Variants in DOCK3 observed in about 807,000 individuals in gnomAD.
DOCK3 encodes dedicator of cytokinesis 3, also known as dedicator of cytokinesis protein 3.
In DOCK3, 60 loss-of-function variants were observed where a neutral mutation model predicts 265.6. The observed-to-expected ratio is 0.23, with a 90% CI of 0.18 to 0.28. DOCK3 has a LOEUF of 0.28. DOCK3 is among the 10% of genes least tolerant of loss of function. DOCK3 has a pLI of 1.00. For missense variants in DOCK3, 1,981 were observed against 2,594.3 expected (o/e 0.76, Z 5.14); for synonymous variants, 881 against 938.0 (o/e 0.94, Z 1.11).
intron 27 of DOCK3, among the ~76,000 whole-genome samples, chr3:51,288,885 GGTGTGT>G (rs776856235): frequency 3.4e-5 from 5 of 147,074 alleles, no homozygotes; most frequent in African/African-American, 7.7e-5. Flanking sequence ...TGTTTGTGTG[GGTGTGT>G]GTGTGTGTGT....
intron 44 of DOCK3, 75 bp from the exon 45 acceptor site, chr3:51,357,683 G>A: frequency 6.8e-7 from 1 of 1,472,046 alleles, no homozygotes; most frequent in Non-Finnish European, 9.5e-7. Flanking sequence ...GGCATTAGTG[G>A]ACTCAAGTCT....
At position 51,288,927 on chromosome 3, in the gene DOCK3, C is replaced by A. The variant is rs986716970; in HGVS notation, c.2922+8723C>A. Among the ~76,000 whole-genome samples, 8 of 146,580 alleles carry A rather than the reference C, an allele frequency of 5.5e-5. 1 individual carries two copies. Among genetic ancestry groups the A allele is most frequent in the African/African-American group, 2.1e-4 (8 of 38,656 alleles). On this transcript the variant is annotated intron_variant, in intron 27 of 52. Coordinates refer to ENST00000266037, the MANE Select transcript of DOCK3 (RefSeq NM_004947.5). ...GGGTGTGTGTGTGTGTGTGTGTGTG[C>A]CCATGTGTGTGTATTTAAAGTAAAT...
intron 5 of DOCK3, among the ~76,000 whole-genome samples, chr3:51,016,067 CATAATATATATCATATATTTCTACAT>C (rs1559942026): frequency 8.8e-4 from 10 of 11,378 alleles, no homozygotes; most frequent in Admixed American, 2.6e-3. Flanking sequence ...TATATTTCTA[CATAATATATATCATATATTTCTACAT>C]ATGATATATA....
intron 38 of DOCK3, among the ~76,000 whole-genome samples, chr3:51,346,518 T>A (rs2110146309): frequency 6.6e-6 from 1 of 152,318 alleles, no homozygotes; most frequent in Middle Eastern, 3.4e-3. Flanking sequence ...ATGTGCCACA[T>A]TTTCTTAATC....
intron 1 of DOCK3, among the ~76,000 whole-genome samples, chr3:50,716,761 T>G (rs2037139061): frequency 6.6e-6 from 1 of 151,990 alleles, no homozygotes; most frequent in Admixed American, 6.6e-5. Flanking sequence ...TGTTTTAGTT[T>G]CTAATTCTGA....
At chr3:51,016,768 TGTTTA>T (rs2079320272) in intron 5 of DOCK3, among the ~76,000 whole-genome samples, 2 of 3,000 alleles carry the variant, frequency 6.7e-4, no homozygotes, top group African/African-American at 1.4e-3. Context: ...ATATGATATA[TGTTTA>T]TATATATCAT....
chr3:51,201,143 CATA>C (rs2088732286), intron 12 of DOCK3, among the ~76,000 whole-genome samples: 1 of 150,674 alleles, frequency 6.6e-6, no homozygotes, highest in South Asian at 2.1e-4. Context: ...CAGCTAACAT[CATA>C]ATGACAGGAT....
chr3:51,380,141 C>A lies in DOCK3; in HGVS notation c.5517C>A (p.His1839Gln). 6.2e-7 allele frequency: 1 copy of A among 1,613,724 alleles called. No individual in the cohort carries two copies. Among genetic ancestry groups the A allele is most frequent in the Non-Finnish European group, 8.5e-7 (1 of 1,179,754 alleles). ...CCTTTGCAGGTCATTACTCCCTACA[C>A]TTTGACGCCTTCCACCACCCTCTGG... Reference protein sequence around the residue: ...SVAEKGHYSLHFDAFHHPLGD... With the variant: ...SVAEKGHYSLQFDAFHHPLGD... Residue 1839 changes from histidine (H) to glutamine (Q), a missense_variant, in exon 52 of 53, where the codon CAC (histidine) becomes CAA (glutamine). Physicochemically the swap from His to Gln is conservative, Grantham distance 24 (BLOSUM62 0). This residue lies in a region of DOCK3 where 1,357 missense variants were observed against 1,866.8 expected (regional missense o/e 0.73). Coordinates refer to ENST00000266037, the MANE Select transcript of DOCK3 (RefSeq NM_004947.5).
At chr3:50,850,834 T>C (rs2046326291) in intron 3 of DOCK3, among the ~76,000 whole-genome samples, 1 of 152,236 alleles carries the variant, frequency 6.6e-6, no homozygotes, top group Admixed American at 6.5e-5. Flanking sequence ...AGCCAATAGA[T>C]GGCACTTATA....
At chr3:51,280,982 A>G (rs189466989) in intron 27 of DOCK3, among the ~76,000 whole-genome samples, 7 of 152,118 alleles carry the variant, frequency 4.6e-5, no homozygotes, top group Admixed American at 4.6e-4. Flanking sequence ...TCCTCTTTCT[A>G]TGGAAAATGA....
Position 51,195,396 on chromosome 3 carries a change from T to C in DOCK3, c.1038-13378T>C, listed in dbSNP as rs143829995. Reference sequence around the variant, plus strand: ...GTGATTACTTTGCCAAAGAGATTTATATTTTTGTATGTTTTCTTTTCTTTT... The same window carrying C: ...GTGATTACTTTGCCAAAGAGATTTACATTTTTGTATGTTTTCTTTTCTTTT... On this transcript the variant is annotated intron_variant, in intron 12 of 52. Coordinates refer to ENST00000266037, the MANE Select transcript of DOCK3 (RefSeq NM_004947.5). 9.0e-3 allele frequency among the ~76,000 whole-genome samples: 1,364 copies of C among 152,188 alleles called. 26 individuals carry two copies. Among genetic ancestry groups the C allele is most frequent in the African/African-American group, 0.029 (1,216 of 41,520 alleles).
chr3:51,291,526 G>T (rs772210294), intron 27 of DOCK3, among the ~76,000 whole-genome samples: 1 of 152,122 alleles, frequency 6.6e-6, no homozygotes, highest in Non-Finnish European at 1.5e-5. Flanking sequence ...CTAGACACGT[G>T]TATCTACTAA....
chr3:51,216,169 A>G (rs1576436568), intron 14 of DOCK3, among the ~76,000 whole-genome samples: 1 of 152,194 alleles, frequency 6.6e-6, no homozygotes, highest in South Asian at 2.1e-4. Context: ...TAGTCTTCAC[A>G]TACTTCTGGG....
intron 1 of DOCK3, among the ~76,000 whole-genome samples, chr3:50,754,581 C>T (rs1180074578): frequency 2.4e-4 from 32 of 134,222 alleles, no homozygotes; most frequent in South Asian, 9.2e-4. Context: ...TTTTTTGGGA[C>T]GGAGTTTTGC....
At chr3:51,164,424 C>T (rs1158352569) in intron 12 of DOCK3, among the ~76,000 whole-genome samples, 1 of 152,026 alleles carries the variant, frequency 6.6e-6, no homozygotes, top group African/African-American at 2.4e-5. Flanking sequence ...AGATTGAGAC[C>T]ATCCTGGCTA....
chr3:50,788,565 T>C (rs2042301433), intron 2 of DOCK3, among the ~76,000 whole-genome samples: 1 of 152,176 alleles, frequency 6.6e-6, no homozygotes, highest in Non-Finnish European at 1.5e-5. Flanking sequence ...ACCGCCTAGA[T>C]CAATGCCTTG....
chr3:51,259,074 T>C (rs983248365), intron 22 of DOCK3, among the ~76,000 whole-genome samples: 1 of 152,170 alleles, frequency 6.6e-6, no homozygotes, highest in African/African-American at 2.4e-5. Flanking sequence ...GACTAGGCAT[T>C]AAAAAGCTAC....
At chr3:50,920,143 G>A (rs1007489210) in intron 4 of DOCK3, among the ~76,000 whole-genome samples, 19 of 152,226 alleles carry the variant, frequency 1.2e-4, no homozygotes, top group Admixed American at 2.6e-4. Flanking sequence ...TGCTGGATTC[G>A]GTTTGCCAGT....
At chr3:51,328,206 G>C (rs1372631036) in intron 32 of DOCK3, among the ~76,000 whole-genome samples, 1 of 152,126 alleles carries the variant, frequency 6.6e-6, no homozygotes, top group Non-Finnish European at 1.5e-5. Flanking sequence ...CCAGTGGACT[G>C]TTGTACCCTG....
Sources: gnomAD v4.1 joint callset for allele counts (sites outside exome capture counted in the v4.1 genomes callset) on GRCh38, gnomAD v4.1.1 for gene constraint, gnomAD v4.1.1 regional missense constraint, MANE v1.5 for transcripts, NCBI Gene and HGNC (gene_info 2026-07-23, HGNC 2026-07-21) for gene names.